The following C4orf50 variants were observed in gnomAD, a reference collection of about 807,000 sequenced individuals.
The protein encoded by C4orf50 is uncharacterized protein C4orf50.
A neutral mutation model predicts 77.2 loss-of-function variants in C4orf50; 80 were observed. That is an observed-to-expected ratio of 1.04 (90% CI 0.87 to 1.25). The LOEUF is 1.25. C4orf50 is among the 50% of genes most tolerant of loss of function. The probability of loss-of-function intolerance (pLI) is 0.00; values close to 1 mark genes in which losing one functional copy is unlikely to be tolerated. For synonymous variants in C4orf50, 532 were observed against 465.3 expected, an observed-to-expected ratio of 1.14 and a Z score of -1.84; for missense variants, 1,257 against 1,152.9, an observed-to-expected ratio of 1.09 and a Z score of -1.31.
chr4:5,937,088 G>A (rs1429641902), intron 7 of C4orf50, among the ~76,000 whole-genome samples: 1 of 151,906 alleles, frequency 6.6e-6, no homozygotes, highest in Non-Finnish European at 1.5e-5. Flanking sequence ...TAAATGCCTT[G>A]CTAAAAGAAT....
intron 7 of C4orf50, among the ~76,000 whole-genome samples, chr4:5,921,916 C>T (rs1251575956): frequency 6.6e-6 from 1 of 152,116 alleles, no homozygotes; most frequent in Non-Finnish European, 1.5e-5. Flanking sequence ...GAAGGCTCAG[C>T]TACTGCATCA....
At position 5,919,745 on chromosome 4, in the gene C4orf50, C is replaced by T. The variant is rs1040770643; in HGVS notation, c.*2475-21557G>A. Among the ~76,000 whole-genome samples, 1 of 152,138 alleles carries T rather than the reference C, an allele frequency of 6.6e-6. No individual in the cohort carries two copies. Among genetic ancestry groups the T allele is most frequent in the Non-Finnish European group, 1.5e-5 (1 of 68,032 alleles). The stretch of plus-strand genomic sequence containing the variant: ...CTGGAGGGACCACACCAGCTGAAAC[C>T]GCTGCCATGGCAGACAAGAAAATGC... On this transcript the variant is annotated intron_variant, in intron 7 of 7. Transcript: ENST00000324058. This position sits in a 1 kb window ranked among gnomAD's most constrained non-coding sequence, Gnocchi z 6.5.
chr4:5,993,005 G>A (rs73212660), intron 26 of C4orf50, 75 bp from the exon 5 acceptor site: 24,990 of 396,606 alleles, frequency 0.063, 870 homozygotes, highest in Middle Eastern at 0.094. Context: ...TAGGGACCAC[G>A]TCCCCCAGGC....
At chr4:5,914,198 T>C (rs1397165562) in intron 7 of C4orf50, among the ~76,000 whole-genome samples, 2 of 141,068 alleles carry the variant, frequency 1.4e-5, no homozygotes, top group African/African-American at 5.1e-5. Context: ...TTTTTGTTTT[T>C]ATGGGTGTTT....
At chr4:5,980,826 T>A (rs2108781572) in intron 28 of C4orf50, among the ~76,000 whole-genome samples, 1 of 152,334 alleles carries the variant, frequency 6.6e-6, no homozygotes, top group South Asian at 2.1e-4. Flanking sequence ...AATATATTTA[T>A]ATGAAACAGA....
At chr4:6,003,737 T>C (rs1268205290) in intron 25 of C4orf50, among the ~76,000 whole-genome samples, 1 of 144,300 alleles carries the variant, frequency 6.9e-6, no homozygotes, top group African/African-American at 2.6e-5. Flanking sequence ...GTGATGGTGA[T>C]GATAGTGGTG....
chr4:5,969,460 G>C (rs1433968932), intron 31 of C4orf50, among the ~76,000 whole-genome samples: 3 of 150,724 alleles, frequency 2.0e-5, no homozygotes, highest in African/African-American at 7.4e-5. Context: ...GTGGCAGGAG[G>C]AGGAAACAGC....
At chr4:5,914,964 T>C (rs1716970077) in intron 7 of C4orf50, among the ~76,000 whole-genome samples, 1 of 152,238 alleles carries the variant, frequency 6.6e-6, no homozygotes, top group African/African-American at 2.4e-5. Flanking sequence ...TTAACCTTGA[T>C]TGTCTGTCTG....
At chr4:5,938,800 T>C (rs57474711) in intron 7 of C4orf50, among the ~76,000 whole-genome samples, 27,813 of 149,926 alleles carry the variant, frequency 0.19, 2,808 homozygotes, top group African/African-American at 0.27. Flanking sequence ...CTTTTCTTTT[T>C]TTTTTTTATC....
intron 7 of C4orf50, among the ~76,000 whole-genome samples, chr4:5,945,507 C>G (rs554702060): frequency 6.6e-6 from 1 of 152,296 alleles, no homozygotes; most frequent in African/African-American, 2.4e-5. Context: ...CTGGCACCTG[C>G]AGATCGGAGA....
intron 25 of C4orf50, among the ~76,000 whole-genome samples, chr4:6,006,790 C>G (rs1056150134): frequency 3.3e-5 from 5 of 152,168 alleles, no homozygotes; most frequent in Non-Finnish European, 1.5e-5. Context: ...AGTGCTGGGG[C>G]CCTCCTGTGT....
chr4:5,943,436 G>A lies in C4orf50; in HGVS notation c.*2474+13465C>T, dbSNP rs28583866. ...GTCCAAGCACCAGGGGTGAACTCTG[G>A]GACAGCCTGAAGGTCCGAATTCCAG... On this transcript the variant is annotated intron_variant, in intron 7 of 7. Transcript: ENST00000324058. 6.7e-3 allele frequency among the ~76,000 whole-genome samples: 1,020 copies of A among 152,256 alleles called. 18 individuals carry two copies. The highest frequency in any genetic ancestry group is 0.024 in the African/African-American group (977 of 41,542).
At chr4:5,989,936 C>T (rs771863447) in exon 28 of C4orf50, 29 of 1,426,114 alleles carry the variant, frequency 2.0e-5, no homozygotes, top group Non-Finnish European at 2.6e-5. Flanking sequence ...TGGTTTTCCT[C>T]CTTGCCCCTA....
chr4:5,962,798 T>C (rs1560567053), intron 33 of C4orf50, among the ~76,000 whole-genome samples: 7 of 152,186 alleles, frequency 4.6e-5, no homozygotes, highest in Admixed American at 3.9e-4. Flanking sequence ...GCCGGCGCAG[T>C]AAGATTTGGG....
chr4:5,977,918 T>A (rs1720375472), intron 29 of C4orf50, among the ~76,000 whole-genome samples: 1 of 152,212 alleles, frequency 6.6e-6, no homozygotes, highest in African/African-American at 2.4e-5. Context: ...GCAAATCATA[T>A]ATCTAATAAA....
chr4:6,011,858 G>T lies in C4orf50; in HGVS notation c.398C>A (p.Ala133Glu). The change falls in exon 24 of 34, where the codon GCG (alanine) becomes GAG (glutamate). Residue 133 changes from alanine to glutamate, a missense_variant. Coordinates refer to ENST00000531445, the Ensembl canonical transcript of C4orf50. This position sits in a 1 kb window ranked among gnomAD's most constrained non-coding sequence, Gnocchi z 4.2. Reference sequence around the variant, plus strand: ...GCTGGCCAGCTCCCCCTGCAGCGCCGCCAGCTTCTCCTGGGCCTGGAGCCA... The same window carrying T: ...GCTGGCCAGCTCCCCCTGCAGCGCCTCCAGCTTCTCCTGGGCCTGGAGCCA... 1 of 399,080 alleles carries T rather than the reference G, an allele frequency of 2.5e-6. No individual in the cohort carries two copies. Among genetic ancestry groups the T allele is most frequent in the Non-Finnish European group, 4.4e-6 (1 of 226,082 alleles). 24.7% of individuals were successfully genotyped at this position (399,080 alleles called of 1,614,324 possible).
intron 26 of C4orf50, among the ~76,000 whole-genome samples, chr4:5,993,290 C>A (rs986161685): frequency 6.6e-6 from 1 of 152,242 alleles, no homozygotes; most frequent in African/African-American, 2.4e-5. Flanking sequence ...CATGAGGACA[C>A]ATCTGACCTG....
chr4:5,974,276 T>G (rs552069057), intron 30 of C4orf50, among the ~76,000 whole-genome samples: 2 of 152,316 alleles, frequency 1.3e-5, no homozygotes, highest in African/African-American at 4.8e-5. Context: ...GATAGCACTT[T>G]ATAAGGGATT....
chr4:5,951,977 A>G (rs900278848), intron 7 of C4orf50, among the ~76,000 whole-genome samples: 1 of 152,234 alleles, frequency 6.6e-6, no homozygotes, highest in African/African-American at 2.4e-5. Flanking sequence ...AGGGATGATA[A>G]TATTTTCTCA....
Sources: gnomAD v4.1 joint callset for allele counts (sites outside exome capture counted in the v4.1 genomes callset) on GRCh38, gnomAD v4.1.1 for gene constraint, Gnocchi (gnomAD v3.1) non-coding constraint, MANE v1.5 for transcripts, NCBI Gene and HGNC (gene_info 2026-07-23, HGNC 2026-07-21) for gene names.